SEMA4F: variants seen among roughly 807,000 people sequenced by gnomAD.
SEMA4F encodes semaphorin-4F.
SEMA4F carries 51 observed loss-of-function variants against 78.4 expected under a neutral mutation model. That is an observed-to-expected ratio of 0.65 (90% CI 0.52 to 0.82). The LOEUF (loss-of-function observed/expected upper bound fraction) is 0.82. Among genes scored for constraint, SEMA4F ranks in the 40% least tolerant of loss-of-function variants. The probability of loss-of-function intolerance (pLI) is 0.00; values close to 1 mark genes in which losing one functional copy is unlikely to be tolerated. For missense variants in SEMA4F, 938 were observed against 1,014.4 expected (o/e 0.92, Z 1.02); for synonymous variants, 418 against 408.7 (o/e 1.02, Z -0.27).
At chr2:74,664,096 T>C (rs1198110510) in intron 5 of SEMA4F, among the ~76,000 whole-genome samples, 2 of 152,222 alleles carry the variant, frequency 1.3e-5, no homozygotes, top group Non-Finnish European at 2.9e-5. Context: ...TTGTGCCACA[T>C]AGCCTGAATT....
chr2:74,685,852 T>TA (rs1042070994), downstream of SEMA4F, among the ~76,000 whole-genome samples: 16 of 152,138 alleles, frequency 1.1e-4, no homozygotes, highest in African/African-American at 3.4e-4. Context: ...ACAAAGAACT[T>TA]AAACAAATCT....
At chr2:74,654,988 A>G (rs779242518) in intron 1 of SEMA4F, among the ~76,000 whole-genome samples, 76 of 149,964 alleles carry the variant, frequency 5.1e-4, no homozygotes, top group Admixed American at 4.4e-3. Context: ...CTTTCATTCT[A>G]CTCCAGCTTT....
At chr2:74,654,557 G>A (rs1370370618) in intron 1 of SEMA4F, 36 bp downstream of exon 1, 5 of 1,507,390 alleles carry the variant, frequency 3.3e-6, no homozygotes, top group African/African-American at 2.9e-5. Context: ...AGCCCTTCGC[G>A]CCCACACCCA....
intron 12 of SEMA4F, among the ~76,000 whole-genome samples, chr2:74,676,623 G>A (rs906416006): frequency 3.3e-5 from 5 of 152,024 alleles, no homozygotes; most frequent in South Asian, 2.1e-4. Flanking sequence ...TGCCCACATC[G>A]TATTATGATT....
At chr2:74,705,082 C>A in the SEMA4F span, among the ~76,000 whole-genome samples, 1 of 152,018 alleles carries the variant, frequency 6.6e-6, no homozygotes, top group African/African-American at 2.4e-5. Flanking sequence ...TTTATTCAGT[C>A]CAACATTTTC....
chr2:74,669,968 G>A (rs1001610756), intron 5 of SEMA4F, among the ~76,000 whole-genome samples: 1 of 151,896 alleles, frequency 6.6e-6, no homozygotes, highest in African/African-American at 2.4e-5. Context: ...TCCTATGCTT[G>A]CAGGCATATA....
At chr2:74,663,195 CT>C (rs892008972) in intron 5 of SEMA4F, among the ~76,000 whole-genome samples, 2 of 152,190 alleles carry the variant, frequency 1.3e-5, no homozygotes, top group African/African-American at 4.8e-5. Context: ...TAGAACAGCA[CT>C]TTCCAAAAGA....
chr2:74,654,419 C>T lies in SEMA4F; in HGVS notation c.43C>T (p.Pro15Ser). ...AARPRPGPGQPTASPFPLLLL... is the reference protein window; with the variant it reads ...AARPRPGPGQSTASPFPLLLL... ...GCGGCCCCGCCCGGGTCCCGGGCAGCCTACAGCCTCGCCCTTCCCGCTACT... is the reference window on the plus strand; with the variant it reads ...GCGGCCCCGCCCGGGTCCCGGGCAGTCTACAGCCTCGCCCTTCCCGCTACT... The change falls in exon 1 of 14, where the codon CCT becomes TCT. Residue 15 changes from proline (P) to serine (S), a missense_variant. Physicochemically the swap from Pro to Ser is moderately conservative, Grantham distance 74. Coordinates refer to ENST00000357877, the MANE Select transcript of SEMA4F (RefSeq NM_004263.5). 6.4e-7 allele frequency: 1 copy of T among 1,551,420 alleles called. No individual in the cohort carries two copies. Among genetic ancestry groups the T allele is most frequent in the Non-Finnish European group, 8.6e-7 (1 of 1,156,130 alleles).
chr2:74,656,724 C>A, intron 2 of SEMA4F, 39 bp downstream of exon 2: 1 of 1,602,038 alleles, frequency 6.2e-7, no homozygotes. Flanking sequence ...GACCCTGTAG[C>A]ATGTGATTAA....
Position 74,680,051 on chromosome 2 carries a change from C to T in SEMA4F, c.2155C>T (p.Pro719Ser), listed in dbSNP as rs1245465921. 2 of 1,614,172 alleles carry T rather than the reference C, an allele frequency of 1.2e-6. No homozygotes were observed. The highest frequency in any genetic ancestry group is 1.7e-5 in the Admixed American group (1 of 60,038). ...AAGCTACAGCCAAGACCCTCCCTCC[C>T]CCTCTCCTGAAGATGAGCGGTTGCC... ...TTSYSQDPPSPSPEDERLPLA... is the reference protein window; with the variant it reads ...TTSYSQDPPSSSPEDERLPLA... The change falls in exon 14 of 14, where the codon CCC (proline) becomes TCC (serine). Residue 719 changes from proline (P) to serine (S), a missense_variant. Pro to Ser is a moderately conservative substitution (Grantham distance 74). Transcript: ENST00000357877.
In SEMA4F at chr2:74,656,540, A is replaced by G; in HGVS notation, c.152A>G (p.Asp51Gly). The G allele has an allele frequency of 1.9e-6, 3 of 1,613,096 alleles. No homozygotes were observed. Among genetic ancestry groups the G allele is most frequent in the Non-Finnish European group, 2.5e-6 (3 of 1,179,370 alleles). ...PRTSLPISEA[D>G]SCLTRFAVPH... ...TCTCCTCTCTTCCTGCCAGAGGCTG[A>G]CTCCTGTCTCACCCGGTTCGCAGTC... The change falls in exon 2 of 14, where the codon GAC (aspartate) becomes GGC (glycine). Residue 51 changes from aspartate to glycine, a missense_variant. Transcript: ENST00000357877.
the SEMA4F span, among the ~76,000 whole-genome samples, chr2:74,701,925 C>T: frequency 6.6e-6 from 1 of 152,106 alleles, no homozygotes; most frequent in Non-Finnish European, 1.5e-5. Context: ...CCATTCCAGC[C>T]GTTGAGCAAT....
rs767078232 is a variant in SEMA4F, at chr2:74,679,881, G to A, written c.1985G>A (p.Gly662Glu). 3.7e-6 allele frequency: 6 copies of A among 1,614,226 alleles called. No homozygotes were observed. The highest frequency in any genetic ancestry group is 5.1e-6 in the Non-Finnish European group (6 of 1,180,042). The change falls in exon 14 of 14, where the codon GGA (glycine) becomes GAA (glutamate). Residue 662 changes from glycine to glutamate, a missense_variant. Physicochemically the swap from Gly to Glu is moderately conservative, Grantham distance 98. Coordinates refer to ENST00000357877, the MANE Select transcript of SEMA4F (RefSeq NM_004263.5). ...APSRAHTVGA[G>E]LAGFFLGILA... ...AGCCGGGCCCACACAGTGGGGGCGGGACTGGCTGGCTTCTTCTTGGGGATT... is the reference window on the plus strand; with the variant it reads ...AGCCGGGCCCACACAGTGGGGGCGGAACTGGCTGGCTTCTTCTTGGGGATT...
the SEMA4F span, among the ~76,000 whole-genome samples, chr2:74,703,668 A>G: frequency 1.3e-5 from 2 of 152,372 alleles, no homozygotes; most frequent in East Asian, 3.9e-4. Flanking sequence ...GACCTGGCCA[A>G]ATTGGCTGGA....
downstream of SEMA4F, among the ~76,000 whole-genome samples, chr2:74,687,016 G>C (rs1030400334): frequency 2.6e-5 from 4 of 152,006 alleles, no homozygotes; most frequent in African/African-American, 9.7e-5. Context: ...GAAAACTAAA[G>C]ATAATGTTGT....
intron 5 of SEMA4F, among the ~76,000 whole-genome samples, chr2:74,670,604 C>T (rs566581361): frequency 6.6e-6 from 1 of 152,340 alleles, no homozygotes; most frequent in East Asian, 1.9e-4. Context: ...TTTCTCCAAC[C>T]CTACGTACCA....
chr2:74,681,607 C>T lies in SEMA4F; in HGVS notation c.*1398C>T, dbSNP rs772774332. 1 of 152,624 alleles carries T rather than the reference C, an allele frequency of 6.6e-6. No homozygotes were observed. The highest frequency in any genetic ancestry group is 1.5e-5 in the Non-Finnish European group (1 of 68,076). The allele number at this position is 152,624 out of a possible 1,614,324, so 9.5% of individuals were successfully genotyped here. On this transcript the variant is annotated 3_prime_UTR_variant, in exon 14 of 14. Transcript: ENST00000357877. Reference sequence around the variant, plus strand: ...TCCCTGGACTGGTAGCTGCTGGAGGCCTTCTTGTTTCTCCAGTCCCTGGAA... The same window carrying T: ...TCCCTGGACTGGTAGCTGCTGGAGGTCTTCTTGTTTCTCCAGTCCCTGGAA...
rs1254970777 is a variant in SEMA4F, at chr2:74,657,555, C to G, written c.298-10C>G. ...GAATCTGGGTGAAATGATCACTTCT[C>G]CTTTCTCAGATTGACTGGATGGTTC... is the stretch of plus-strand genomic sequence containing the variant. On this transcript the variant is annotated splice_polypyrimidine_tract_variant and intron_variant, in intron 2 of 13. Transcript: ENST00000357877. The G allele has an allele frequency of 3.1e-6, 5 of 1,613,846 alleles. No homozygotes were observed. The South Asian group carries it at 5.5e-5, about 18-fold the overall frequency.
Position 74,680,365 on chromosome 2 carries a change from T to A in SEMA4F, c.*156T>A. ...TTTTAGTATCTGTTCTCTCTGAGCC[T>A]GGATGGGCTTGGGGCCAGACCTTTG... On this transcript the variant is annotated 3_prime_UTR_variant, in exon 14 of 14. Transcript: ENST00000357877. 1 of 843,456 alleles carries A rather than the reference T, an allele frequency of 1.2e-6. No individual in the cohort carries two copies. The highest frequency in any genetic ancestry group is 1.8e-6 in the Non-Finnish European group (1 of 570,588). 52.2% of individuals were successfully genotyped at this position (843,456 alleles called of 1,614,324 possible).
Sources: gnomAD v4.1 joint callset for allele counts (sites outside exome capture counted in the v4.1 genomes callset) on GRCh38, gnomAD v4.1.1 for gene constraint, MANE v1.5 for transcripts, NCBI Gene and HGNC (gene_info 2026-07-23, HGNC 2026-07-21) for gene names.